MVD: variants seen among roughly 807,000 people sequenced by gnomAD.
MVD encodes the protein diphosphomevalonate decarboxylase.
In MVD, 52 loss-of-function variants were observed where a neutral mutation model predicts 42.4. The ratio of observed to expected loss-of-function variants is 1.23; its 90% CI spans 0.98 to 1.55. The LOEUF is 1.55. MVD is among the 40% of genes most tolerant of loss of function. The probability of loss-of-function intolerance (pLI) is 0.00; values close to 1 mark genes in which losing one functional copy is unlikely to be tolerated. For synonymous variants in MVD, 287 were observed against 243.2 expected, an observed-to-expected ratio of 1.18 and a Z score of -1.68; for missense variants, 663 against 572.1, an observed-to-expected ratio of 1.16 and a Z score of -1.62.
intron 1 of MVD, 85 bp from the exon 2 acceptor site, chr16:88,658,805 C>G: frequency 1.0e-6 from 1 of 955,860 alleles, no homozygotes. Flanking sequence ...CACCCCCCAC[C>G]CACGGCCCCC....
chr16:88,655,439 C>T, intron 6 of MVD, 22 bp from the exon 7 acceptor site: 1 of 1,551,558 alleles, frequency 6.4e-7, no homozygotes, highest in Non-Finnish European at 8.7e-7. Flanking sequence ...AGGGTGTTTC[C>T]CATGGAGCCG....
chr16:88,653,518 C>T, intron 8 of MVD, 110 bp from the exon 9 acceptor site: 5 of 920,010 alleles, frequency 5.4e-6, no homozygotes, highest in Non-Finnish European at 8.0e-6. Context: ...GCCGTCAGGG[C>T]TCAGGGAGGG....
intron 1 of MVD, chr16:88,658,989 G>C (rs1025010309): frequency 8.4e-6 from 4 of 474,812 alleles, no homozygotes; most frequent in Non-Finnish European, 1.2e-5. Flanking sequence ...TCCAGCATCC[G>C]TGAGTGCCCA....
chr16:88,655,560 A>G, intron 6 of MVD, 96 bp downstream of exon 6: 4 of 1,516,388 alleles, frequency 2.6e-6, no homozygotes, highest in Non-Finnish European at 3.5e-6. Context: ...GGGCTGCCGC[A>G]GGTGTGAGAA....
intron 9 of MVD, among the ~76,000 whole-genome samples, chr16:88,652,829 CAG>C (rs1024063929): frequency 6.6e-6 from 1 of 152,198 alleles, no homozygotes; most frequent in Non-Finnish European, 1.5e-5. Context: ...GCTTCTGTCA[CAG>C]GGGGGACAGA....
At chr16:88,653,931 G>A (rs1907740889) in intron 8 of MVD, among the ~76,000 whole-genome samples, 1 of 152,080 alleles carries the variant, frequency 6.6e-6, no homozygotes, top group African/African-American at 2.4e-5. Context: ...CCATTAGAAG[G>A]TGTTATTGCT....
intron 8 of MVD, 103 bp from the exon 9 acceptor site, chr16:88,653,511 G>A (rs544710706): frequency 9.0e-5 from 89 of 989,640 alleles, no homozygotes; most frequent in Non-Finnish European, 1.2e-4. Flanking sequence ...ATTCCTGGCC[G>A]TCAGGGCTCA....
At chr16:88,654,200 G>A (rs1907760424) in intron 8 of MVD, among the ~76,000 whole-genome samples, 1 of 151,934 alleles carries the variant, frequency 6.6e-6, no homozygotes, top group South Asian at 2.1e-4. Context: ...GGGGCTCTGT[G>A]GCGCCAAGAT....
intron 8 of MVD, among the ~76,000 whole-genome samples, chr16:88,654,430 C>T (rs1907775353): frequency 6.6e-6 from 1 of 152,228 alleles, no homozygotes; most frequent in Admixed American, 6.5e-5. Flanking sequence ...TCCCGAGCTG[C>T]AGGGGACGCT....
Position 88,662,996 on chromosome 16 carries a change from G to C in MVD, c.70+15C>G. 2 of 1,592,984 alleles carry C rather than the reference G, an allele frequency of 1.3e-6. No homozygotes were observed. Among genetic ancestry groups the C allele is most frequent in the Non-Finnish European group, 8.5e-7 (1 of 1,170,746 alleles). ...TCCCGGCCATCCCCGTCCCAGGCCG[G>C]CCCGCGGCACTCACAGTACTTGATG... On this transcript the variant is annotated intron_variant, in intron 1 of 9. Coordinates refer to ENST00000301012, the MANE Select transcript of MVD (RefSeq NM_002461.3).
chr16:88,652,739 C>G, intron 9 of MVD, 134 bp from the exon 10 acceptor site: 1 of 847,372 alleles, frequency 1.2e-6, no homozygotes, highest in Non-Finnish European at 1.8e-6. Flanking sequence ...GAAGGTAAAG[C>G]GCCTGAGTGG....
At chr16:88,658,347 T>C (rs1388251678) in intron 2 of MVD, among the ~76,000 whole-genome samples, 2 of 152,154 alleles carry the variant, frequency 1.3e-5, no homozygotes, top group Admixed American at 6.5e-5. Flanking sequence ...GCTCTCCTAA[T>C]ACTGGGAGAT....
Position 88,655,351 on chromosome 16 carries a change from A to C in MVD, c.745T>G (p.Phe249Val). Residue 249 changes from phenylalanine to valine, a missense_variant, in exon 7 of 10, where the codon TTC (phenylalanine) becomes GTC (valine). By Grantham distance (50) the Phe-to-Val change is conservative. Transcript: ENST00000301012. ...EMARCIRERDFPSFAQLTMKD... is the reference protein window; with the variant it reads ...EMARCIRERDVPSFAQLTMKD... ...ATGGTCAGCTGGGCGAAGCTGGGGA[A>C]GTCTCGCTCCCGGATGCAGCGGGCC... 5 of 1,602,766 alleles carry C rather than the reference A, an allele frequency of 3.1e-6. No homozygotes were observed. The highest frequency in any genetic ancestry group is 4.3e-6 in the Non-Finnish European group (5 of 1,175,196).
At position 88,658,630 on chromosome 16, in the gene MVD, A is replaced by C. The variant is rs549657914; in HGVS notation, c.141+20T>G. Reference sequence around the variant, plus strand: ...TTCTGGAAATGGCACTGTGGTGTTTAGTCGTCAGTCCACACATACCTGGTC... The same window carrying C: ...TTCTGGAAATGGCACTGTGGTGTTTCGTCGTCAGTCCACACATACCTGGTC... On this transcript the variant is annotated intron_variant, in intron 2 of 9. Coordinates refer to ENST00000301012, the MANE Select transcript of MVD (RefSeq NM_002461.3). 9 of 1,610,766 alleles carry C rather than the reference A, an allele frequency of 5.6e-6. No individual in the cohort carries two copies. In the African/African-American group the frequency reaches 6.7e-5, roughly 12 times the overall value.
intron 1 of MVD, chr16:88,662,709 T>TA (rs1278144895): frequency 1.4e-6 from 2 of 1,403,530 alleles, no homozygotes; most frequent in Admixed American, 2.5e-5. Context: ...GGCGGATTCT[T>TA]ACGATTCATG....
intron 3 of MVD, 43 bp from the exon 4 acceptor site, chr16:88,657,625 C>A (rs1908018185): frequency 6.3e-7 from 1 of 1,593,896 alleles, no homozygotes. Flanking sequence ...CCGTCAGCAC[C>A]CTGCCCGCCC....
intron 8 of MVD, among the ~76,000 whole-genome samples, chr16:88,654,137 G>A (rs1476993576): frequency 2.0e-5 from 3 of 149,966 alleles, no homozygotes; most frequent in Non-Finnish European, 1.5e-5. Flanking sequence ...ACAGAGCAGC[G>A]CAGGGGAAGA....
Position 88,653,394 on chromosome 16 carries a change from A to G in MVD, c.1028T>C (p.Leu343Pro). 2 of 1,606,184 alleles carry G rather than the reference A, an allele frequency of 1.2e-6. No homozygotes were observed. The highest frequency in any genetic ancestry group is 1.7e-6 in the Non-Finnish European group (2 of 1,177,922). Reference protein sequence around the residue: ...GSNGDTFLKGLQVRPAPLSAE... With the variant: ...GSNGDTFLKGPQVRPAPLSAE... ...TGAGAGAGGGGCCGGCCTCACCTGC[A>G]GCCCCTTCAGAAACCTGGAAAAGCA... Residue 343 changes from leucine to proline, a missense_variant, in exon 9 of 10, where the codon CTG becomes CCG. Physicochemically the swap from Leu to Pro is moderately conservative, Grantham distance 98 (BLOSUM62 -3). Transcript: ENST00000301012.
chr16:88,662,979 A>G (rs2142918965), intron 1 of MVD, 32 bp downstream of exon 1: 1 of 1,582,756 alleles, frequency 6.3e-7, no homozygotes, highest in East Asian at 2.3e-5. Context: ...GCTCCCGGCC[A>G]TCCCCGTCCC....
Sources: gnomAD v4.1 joint callset for allele counts (sites outside exome capture counted in the v4.1 genomes callset) on GRCh38, gnomAD v4.1.1 for gene constraint, MANE v1.5 for transcripts, NCBI Gene and HGNC (gene_info 2026-07-23, HGNC 2026-07-21) for gene names.